The following ATXN7L1 variants were observed in gnomAD, a reference collection of about 807,000 sequenced individuals.
ATXN7L1 encodes the protein ataxin-7-like protein 1.
ATXN7L1 carries 15 observed loss-of-function variants against 70.8 expected under a neutral mutation model. The observed-to-expected ratio is 0.21, with a 90% confidence interval of 0.14 to 0.33. ATXN7L1 has a LOEUF of 0.33. ATXN7L1 is among the 10% of genes least tolerant of loss of function. The pLI is 1.00. For synonymous variants in ATXN7L1, 440 were observed against 445.1 expected, an observed-to-expected ratio of 0.99 and a Z score of 0.14; for missense variants, 975 against 1,097.1, an observed-to-expected ratio of 0.89 and a Z score of 1.57.
rs761335657 is a variant in ATXN7L1 at position 105,614,155 on chromosome 7, C to T, written c.2179G>A (p.Ala727Thr). The change falls in exon 10 of 12, where the codon GCG becomes ACG. Residue 727 changes from alanine to threonine, a missense_variant. Physicochemically the swap from Ala to Thr is moderately conservative, Grantham distance 58 (BLOSUM62 0). Transcript: ENST00000419735. The surrounding 1 kb of genome is among the most constrained non-coding windows in gnomAD (Gnocchi z 4.3). ...GCGCCCACCTGTCTCACTATGTCCG[C>T]GGGGCCGCCGGGCAGCGAGGTCCGT... ...SGRTSLPGGP[A>T]DIVRQVGAVG... The T allele has an allele frequency of 1.5e-5, 23 of 1,551,526 alleles. No individual in the cohort carries two copies. Among genetic ancestry groups the T allele is most frequent in the African/African-American group, 1.2e-4 (9 of 73,050 alleles).
rs1802429742 is a variant in ATXN7L1 at position 105,665,177 on chromosome 7, T to G, written c.467A>C (p.His156Pro). 15 of 1,551,502 alleles carry G rather than the reference T, an allele frequency of 9.7e-6. No individual in the cohort carries two copies. The highest frequency in any genetic ancestry group is 1.3e-5 in the Non-Finnish European group (15 of 1,146,970). The change falls in exon 4 of 12, where the codon CAC becomes CCC. Residue 156 changes from histidine to proline, a missense_variant. Coordinates refer to ENST00000419735, the MANE Select transcript of ATXN7L1 (RefSeq NM_020725.2). ...VKTKACLSGH[H>P]SASSTSKPFK... ...TGGCTTTGAGGTGCTGCTGGCAGAG[T>G]GATGGCCGCTGAGACAGGCTTTTGT...
intron 4 of ATXN7L1, 111 bp from the exon 5 acceptor site, chr7:105,643,232 A>G: frequency 8.0e-7 from 1 of 1,245,082 alleles, no homozygotes; most frequent in Non-Finnish European, 1.1e-6. Context: ...ACTTATTTAT[A>G]CTCCTTCTAT....
intron 3 of ATXN7L1, among the ~76,000 whole-genome samples, chr7:105,665,823 G>C (rs1802525729): frequency 6.6e-6 from 1 of 152,226 alleles, no homozygotes; most frequent in Admixed American, 6.5e-5. Context: ...TCCTGGGACT[G>C]AGAGGACAGT....
At chr7:105,704,256 T>C (rs1347235640) in intron 3 of ATXN7L1, among the ~76,000 whole-genome samples, 3 of 152,194 alleles carry the variant, frequency 2.0e-5, no homozygotes, top group African/African-American at 7.2e-5. Context: ...TGTTCACTAC[T>C]ATAAGCCTCA....
chr7:105,617,034 T>G (rs1390874684), intron 9 of ATXN7L1, among the ~76,000 whole-genome samples: 2 of 145,764 alleles, frequency 1.4e-5, no homozygotes, highest in Non-Finnish European at 3.0e-5. Context: ...ATTTTTTCCA[T>G]TTTTTTTTTT....
At chr7:105,619,510 ATATATATATATATATATATATTTTTT>A (rs1201978960) in intron 9 of ATXN7L1, among the ~76,000 whole-genome samples, 3 of 13,554 alleles carry the variant, frequency 2.2e-4, no homozygotes, top group East Asian at 3.7e-3. Context: ...ATATATATAT[ATATATATATATATATATATATTTTTT>A]TTTTTTTTTT....
chr7:105,816,900 G>A (rs1809279051), intron 2 of ATXN7L1, among the ~76,000 whole-genome samples: 1 of 152,242 alleles, frequency 6.6e-6, no homozygotes, highest in African/African-American at 2.4e-5. Context: ...TCACTTATCA[G>A]TAATTTACCC....
rs1792808612 is a variant in ATXN7L1, at chr7:105,607,492, G to A, written c.*360C>T. The A allele has an allele frequency of 3.8e-6, 1 of 260,294 alleles. No homozygotes were observed. Among genetic ancestry groups the A allele is most frequent in the Admixed American group, 4.8e-5 (1 of 20,738 alleles). 16.1% of individuals were successfully genotyped at this position (260,294 alleles called of 1,614,324 possible). ...CAAGAGCTTCAGAGCATGCCAACCT[G>A]GAACCAACATTCTGCAATGTCTGCT... is the stretch of plus-strand genomic sequence containing the variant. On this transcript the variant is annotated 3_prime_UTR_variant, in exon 12 of 12. Coordinates refer to ENST00000419735, the MANE Select transcript of ATXN7L1 (RefSeq NM_020725.2).
chr7:105,709,449 C>T (rs570480030), intron 3 of ATXN7L1, among the ~76,000 whole-genome samples: 6 of 152,184 alleles, frequency 3.9e-5, no homozygotes, highest in African/African-American at 9.6e-5. Context: ...TAGTAAAGGA[C>T]GCACCTACAA....
chr7:105,854,232 C>A (rs1815350686), intron 2 of ATXN7L1, among the ~76,000 whole-genome samples: 1 of 152,086 alleles, frequency 6.6e-6, no homozygotes, highest in Non-Finnish European at 1.5e-5. Context: ...ATCTGTAATC[C>A]ATTCAAAGGC....
intron 2 of ATXN7L1, among the ~76,000 whole-genome samples, chr7:105,859,433 T>A (rs1585171395): frequency 6.6e-6 from 1 of 152,188 alleles, no homozygotes; most frequent in East Asian, 1.9e-4. Flanking sequence ...ACACACACAG[T>A]CGCATAATGA....
chr7:105,810,606 A>C (rs1373299401), intron 2 of ATXN7L1, among the ~76,000 whole-genome samples: 1 of 152,210 alleles, frequency 6.6e-6, no homozygotes, highest in African/African-American at 2.4e-5. Context: ...TGTTCCGCAC[A>C]GAGGGAAGAG....
intron 2 of ATXN7L1, chr7:105,820,012 A>G: frequency 2.2e-6 from 1 of 448,372 alleles, no homozygotes; most frequent in Admixed American, 2.6e-5. Flanking sequence ...GAAACAGCTC[A>G]TGAGGCTATG....
intron 3 of ATXN7L1, among the ~76,000 whole-genome samples, chr7:105,727,744 G>A (rs867511075): frequency 6.3e-5 from 2 of 31,708 alleles, no homozygotes; most frequent in South Asian, 1.4e-3. Context: ...GTGTGTATGT[G>A]TGTATATATA....
chr7:105,699,577 C>A (rs1390988897), intron 3 of ATXN7L1, among the ~76,000 whole-genome samples: 1 of 151,952 alleles, frequency 6.6e-6, no homozygotes, highest in East Asian at 1.9e-4. Flanking sequence ...ACTTTTTGAC[C>A]CTAATTTACC....
chr7:105,872,550 GAAAT>G (rs1818422156), intron 2 of ATXN7L1, among the ~76,000 whole-genome samples: 2 of 152,266 alleles, frequency 1.3e-5, no homozygotes, highest in South Asian at 4.1e-4. Flanking sequence ...GATGCGAAGT[GAAAT>G]AAACCAGATA....
rs1183761892 is a variant in ATXN7L1 at position 105,727,771 on chromosome 7, TATATATAC to T, written c.355+60825_355+60832del. Reference sequence around the variant, plus strand: ...GTATATATATATATATATATATATATATATATACACACACATACACACATATATATATG... The same window carrying T: ...GTATATATATATATATATATATATATACACACATACACACATATATATATG... On this transcript the variant is annotated intron_variant, in intron 3 of 11. Coordinates refer to ENST00000419735, the MANE Select transcript of ATXN7L1 (RefSeq NM_020725.2). Among the ~76,000 whole-genome samples, 38 of 122,830 alleles carry T rather than the reference TATATATAC, an allele frequency of 3.1e-4. 1 individual carries two copies. Among genetic ancestry groups the T allele is most frequent in the African/African-American group, 9.8e-4 (30 of 30,736 alleles). 80.6% of individuals were successfully genotyped at this position (122,830 alleles called of 152,430 possible). A position where few individuals can be genotyped will look rare whatever the true frequency, so the allele number is the denominator to read the frequency against.
At chr7:105,726,194 G>A (rs545118679) in intron 3 of ATXN7L1, among the ~76,000 whole-genome samples, 9 of 152,254 alleles carry the variant, frequency 5.9e-5, no homozygotes, top group Admixed American at 3.3e-4. Flanking sequence ...GAACCACTGC[G>A]CCCGGCCCTA....
intron 2 of ATXN7L1, among the ~76,000 whole-genome samples, chr7:105,821,764 G>C (rs771523709): frequency 2.0e-5 from 3 of 152,258 alleles, no homozygotes; most frequent in Non-Finnish European, 4.4e-5. Flanking sequence ...GGGATCACAC[G>C]TGGCACACCT....
Sources: allele counts gnomAD v4.1 joint callset (sites outside exome capture counted in the v4.1 genomes callset), GRCh38; gene constraint gnomAD v4.1.1; non-coding constraint Gnocchi (gnomAD v3.1); transcripts MANE v1.5; gene names NCBI Gene and HGNC (gene_info 2026-07-23, HGNC 2026-07-21).